CSMD1: variants seen among roughly 807,000 people sequenced by gnomAD.
CSMD1 encodes the protein CUB and Sushi multiple domains 1, also known as CUB and sushi domain-containing protein 1.
Under a neutral mutation model 417.5 loss-of-function variants are expected in CSMD1, and 213 were observed. The observed-to-expected ratio is 0.51, with a 90% CI of 0.46 to 0.57. The LOEUF (loss-of-function observed/expected upper bound fraction) is 0.57, where lower values mean the gene tolerates loss of function less well. Among genes scored for constraint, CSMD1 ranks in the 20% least tolerant of loss-of-function variants. The pLI is 0.00. For missense variants in CSMD1, 6,923 were observed against 4,529.7 expected, an observed-to-expected ratio of 1.53 and a Z score of -15.17; for synonymous variants, 2,862 against 1,736.8, an observed-to-expected ratio of 1.65 and a Z score of -16.11.
chr8:4,877,648 T>C (rs967640949), intron 1 of CSMD1, among the ~76,000 whole-genome samples: 3 of 152,092 alleles, frequency 2.0e-5, no homozygotes, highest in African/African-American at 7.3e-5. Context: ...TCCTGCCAAA[T>C]ATAGCCAATA....
At chr8:3,902,710 C>G (rs1360387338) in intron 5 of CSMD1, among the ~76,000 whole-genome samples, 1 of 152,080 alleles carries the variant, frequency 6.6e-6, no homozygotes, top group Non-Finnish European at 1.5e-5. Context: ...GGACTGGTAC[C>G]AGTCCATGGC....
At chr8:4,581,170 T>G (rs1799399485) in intron 2 of CSMD1, among the ~76,000 whole-genome samples, 1 of 152,254 alleles carries the variant, frequency 6.6e-6, no homozygotes, top group African/African-American at 2.4e-5. Flanking sequence ...CACAAATTTC[T>G]ATTTTAGAAT....
At chr8:4,842,457 A>G (rs916114407) in intron 1 of CSMD1, among the ~76,000 whole-genome samples, 4 of 152,242 alleles carry the variant, frequency 2.6e-5, no homozygotes, top group Non-Finnish European at 5.9e-5. Context: ...GCATTTTGGT[A>G]ATCTTTCATG....
chr8:4,325,255 C>G (rs1222689327), intron 3 of CSMD1, among the ~76,000 whole-genome samples: 1 of 152,156 alleles, frequency 6.6e-6, no homozygotes, highest in Non-Finnish European at 1.5e-5. Flanking sequence ...ACTTTCAAGA[C>G]CTTCTTCTGT....
intron 3 of CSMD1, among the ~76,000 whole-genome samples, chr8:4,290,079 T>C (rs2128866544): frequency 6.6e-6 from 1 of 152,318 alleles, no homozygotes; most frequent in African/African-American, 2.4e-5. Flanking sequence ...CGGTCTTTTT[T>C]ATAGTGGCAT....
rs530237926 is a variant in CSMD1 at position 4,342,197 on chromosome 8, T to A, written c.415+77756A>T. 3.7e-5 allele frequency among the ~76,000 whole-genome samples: 5 copies of A among 135,544 alleles called. No homozygotes were observed. The South Asian group carries it at 1.3e-3, about 35-fold the overall frequency. 88.9% of individuals were successfully genotyped at this position (135,544 alleles called of 152,430 possible). ...TTCCCTTATGCAAACTTGGCAGCAG[T>A]GCTGTGTCTGTGTGTGTGTGTGTGT... On this transcript the variant is annotated intron_variant, in intron 3 of 69. Transcript: ENST00000635120.
intron 7 of CSMD1, among the ~76,000 whole-genome samples, chr8:3,649,065 G>C (rs936578594): frequency 6.6e-6 from 1 of 152,136 alleles, no homozygotes; most frequent in African/African-American, 2.4e-5. Flanking sequence ...TTAAAGCCCA[G>C]GGTTTTTTCT....
At chr8:2,939,646 TG>T (rs1801724422) in intron 69 of CSMD1, among the ~76,000 whole-genome samples, 1 of 152,176 alleles carries the variant, frequency 6.6e-6, no homozygotes, top group Non-Finnish European at 1.5e-5. Context: ...CATTTGACAT[TG>T]GGCGTCAAGA....
At chr8:4,318,732 C>T (rs1489322730) in intron 3 of CSMD1, among the ~76,000 whole-genome samples, 1 of 148,482 alleles carries the variant, frequency 6.7e-6, no homozygotes, top group Non-Finnish European at 1.5e-5. Context: ...AAAAAAGCCA[C>T]TCTCTGTACT....
At chr8:3,994,104 A>G (rs1814978447) in intron 5 of CSMD1, among the ~76,000 whole-genome samples, 3 of 152,210 alleles carry the variant, frequency 2.0e-5, no homozygotes, top group Admixed American at 6.5e-5. Context: ...AGGGAGCTGA[A>G]GCTCAGTCAT....
chr8:3,763,552 A>C (rs182983938), intron 5 of CSMD1, among the ~76,000 whole-genome samples: 1 of 152,306 alleles, frequency 6.6e-6, no homozygotes, highest in East Asian at 1.9e-4. Context: ...CCTTACCAGA[A>C]GCCAAGCAGG....
Position 3,343,382 on chromosome 8 carries a change from C to T in CSMD1, c.3543G>A (p.Leu1181=), listed in dbSNP as rs1341958896. 2 of 1,613,788 alleles carry T rather than the reference C, an allele frequency of 1.2e-6. 1 individual carries two copies. Among genetic ancestry groups the T allele is most frequent in the Middle Eastern group, 3.3e-4 (2 of 6,058 alleles). Residue 1181 remains leucine, a synonymous_variant, in exon 23 of 70, where the codon CTG becomes CTA. Coordinates refer to ENST00000635120, the MANE Select transcript of CSMD1 (RefSeq NM_033225.6). ...GTFTKNELLG[L]ILNSTSNHLW... Reference sequence around the variant, plus strand: ...GGTGATTGGATGTGCTGTTTAGGATCAGCCCCAGAAGTTCATTTTTAGTGA... The same window carrying T: ...GGTGATTGGATGTGCTGTTTAGGATTAGCCCCAGAAGTTCATTTTTAGTGA...
At chr8:3,186,548 A>T (rs978070495) in intron 36 of CSMD1, among the ~76,000 whole-genome samples, 1 of 152,192 alleles carries the variant, frequency 6.6e-6, no homozygotes, top group Non-Finnish European at 1.5e-5. Flanking sequence ...TCTTTGAACC[A>T]TTTGAAGTGA....
intron 5 of CSMD1, among the ~76,000 whole-genome samples, chr8:3,925,967 C>A (rs1045326711): frequency 1.3e-5 from 2 of 149,896 alleles, no homozygotes; most frequent in African/African-American, 4.9e-5. Context: ...ATACCTTTAA[C>A]CTCAGTCACC....
intron 48 of CSMD1, 56 bp from the exon 49 acceptor site, chr8:3,087,341 G>A: frequency 3.9e-6 from 6 of 1,551,962 alleles, no homozygotes; most frequent in Non-Finnish European, 5.3e-6. Context: ...AATGGCCAGT[G>A]CCATTGCCTT....
intron 3 of CSMD1, among the ~76,000 whole-genome samples, chr8:4,224,473 C>T (rs528184507): frequency 6.6e-6 from 1 of 152,108 alleles, no homozygotes; most frequent in Non-Finnish European, 1.5e-5. Context: ...AATAGTTGCT[C>T]TGACCCATCT....
At chr8:3,249,908 A>G (rs1342284702) in intron 26 of CSMD1, among the ~76,000 whole-genome samples, 2 of 152,216 alleles carry the variant, frequency 1.3e-5, no homozygotes, top group African/African-American at 4.8e-5. Context: ...AAAGCCAACT[A>G]AATTATAGAC....
At chr8:3,785,334 GC>G (rs1799400040) in intron 5 of CSMD1, among the ~76,000 whole-genome samples, 1 of 151,998 alleles carries the variant, frequency 6.6e-6, no homozygotes, top group South Asian at 2.1e-4. Context: ...AATGCCCCGG[GC>G]AAGGCCTCAG....
At chr8:4,166,346 A>G (rs1797454738) in intron 3 of CSMD1, among the ~76,000 whole-genome samples, 1 of 152,244 alleles carries the variant, frequency 6.6e-6, no homozygotes, top group Admixed American at 6.5e-5. Flanking sequence ...CATACGTATT[A>G]TACACCTACA....
Sources: gnomAD v4.1 joint callset for allele counts (sites outside exome capture counted in the v4.1 genomes callset) on GRCh38, gnomAD v4.1.1 for gene constraint, MANE v1.5 for transcripts, NCBI Gene and HGNC (gene_info 2026-07-23, HGNC 2026-07-21) for gene names.